ANKFN1: variants seen among roughly 807,000 people sequenced by gnomAD.
The protein encoded by ANKFN1 is ankyrin repeat and fibronectin type III domain containing 1.
Under a neutral mutation model 108.7 loss-of-function variants are expected in ANKFN1, and 74 were observed. The observed-to-expected ratio is 0.68, with a 90% confidence interval of 0.56 to 0.83. The LOEUF (loss-of-function observed/expected upper bound fraction) is 0.83. Ranked by LOEUF, ANKFN1 falls within the 40% of genes least tolerant of loss-of-function variation. ANKFN1 has a pLI of 0.00. For synonymous variants in ANKFN1, 547 were observed against 516.2 expected (o/e 1.06, Z -0.81); for missense variants, 1,505 against 1,382.3 (o/e 1.09, Z -1.41).
chr17:56,229,644 C>T (rs1287342170), intron 3 of ANKFN1, among the ~76,000 whole-genome samples: 3 of 120,610 alleles, frequency 2.5e-5, no homozygotes, highest in Admixed American at 1.1e-4. Flanking sequence ...TGAAAGCACC[C>T]GTTACCTTTC....
chr17:56,440,383 A>G lies in ANKFN1; in HGVS notation c.967A>G (p.Asn323Asp), dbSNP rs200016066. Residue 323 changes from asparagine (N) to aspartate (D), a missense_variant, in exon 9 of 21, where the codon AAT (asparagine) becomes GAT (aspartate). Physicochemically the swap from Asn to Asp is conservative, Grantham distance 23. Coordinates refer to ENST00000682825, the MANE Select transcript of ANKFN1 (RefSeq NM_001370326.1). ...SPLAGEIIMD[N>D]LQTLRCTITG... ...TTTGGCTGGAGAAATCATCATGGAT[A>G]ATCTGCAGACTCTGAGATGCACAAT... 39 of 1,612,834 alleles carry G rather than the reference A, an allele frequency of 2.4e-5. No homozygotes were observed. In the African/African-American group the frequency reaches 4.7e-4, roughly 19 times the overall value.
chr17:56,395,330 A>G (rs944423013), intron 8 of ANKFN1, among the ~76,000 whole-genome samples: 3 of 152,150 alleles, frequency 2.0e-5, no homozygotes, highest in African/African-American at 7.2e-5. Context: ...AGGAGCACCA[A>G]TCAGACGCTG....
In ANKFN1 at chr17:56,255,684, G is replaced by A. The variant is rs113638731; in HGVS notation, c.53+27727G>A. Among the ~76,000 whole-genome samples, 468 of 152,280 alleles carry A rather than the reference G, an allele frequency of 3.1e-3. 2 individuals are homozygous for A. The highest frequency in any genetic ancestry group is 0.011 in the African/African-American group (443 of 41,542). On this transcript the variant is annotated intron_variant, in intron 3 of 20. Coordinates refer to ENST00000682825, the MANE Select transcript of ANKFN1 (RefSeq NM_001370326.1). ...TAACCCAATCATGCTTTGTAAATGAGTCAACTTTTCACTGGGCTATTATAT... is the reference window on the plus strand; with the variant it reads ...TAACCCAATCATGCTTTGTAAATGAATCAACTTTTCACTGGGCTATTATAT...
chr17:56,304,692 G>T (rs1179977350), intron 3 of ANKFN1, among the ~76,000 whole-genome samples: 1 of 151,844 alleles, frequency 6.6e-6, no homozygotes, highest in African/African-American at 2.4e-5. Flanking sequence ...ATTCTGATAG[G>T]TTTAATGTGA....
At chr17:56,477,346 G>C in intron 15 of ANKFN1, 142 bp from the exon 16 acceptor site, 1 of 728,406 alleles carries the variant, frequency 1.4e-6, no homozygotes, top group Non-Finnish European at 2.1e-6. Context: ...AGCATTCATG[G>C]TATACCTGAG....
chr17:56,306,576 G>C (rs1033452662), intron 3 of ANKFN1, among the ~76,000 whole-genome samples: 1 of 152,190 alleles, frequency 6.6e-6, no homozygotes, highest in Non-Finnish European at 1.5e-5. Flanking sequence ...TGAAATAAAA[G>C]ACGATATGAA....
chr17:56,198,632 G>A (rs191459679), intron 1 of ANKFN1, among the ~76,000 whole-genome samples: 179 of 152,220 alleles, frequency 1.2e-3, no homozygotes, highest in Non-Finnish European at 1.8e-3. Context: ...ACTCTTTAGT[G>A]TATCTGAAAA....
At chr17:56,313,093 C>T (rs1478120415) in intron 3 of ANKFN1, among the ~76,000 whole-genome samples, 2 of 148,544 alleles carry the variant, frequency 1.3e-5, no homozygotes, top group African/African-American at 5.0e-5. Flanking sequence ...GGCGAGGTTG[C>T]AATGAGCTGA....
chr17:56,173,288 C>T (rs1284320104), intron 1 of ANKFN1, among the ~76,000 whole-genome samples: 2 of 152,190 alleles, frequency 1.3e-5, no homozygotes, highest in African/African-American at 2.4e-5. Flanking sequence ...TCACCCTTTG[C>T]CTTCTGTTCC....
chr17:56,128,685 G>A (rs934655615), intron 4 of ANKFN1, among the ~76,000 whole-genome samples: 1 of 152,144 alleles, frequency 6.6e-6, no homozygotes, highest in Non-Finnish European at 1.5e-5. Context: ...AGTAGTAAAG[G>A]CTCTGAGAAG....
Position 56,500,859 on chromosome 17 carries a change from G to C in ANKFN1, c.2644+1761G>C, listed in dbSNP as rs112962700. Among the ~76,000 whole-genome samples the C allele has an allele frequency of 3.1e-4, 47 of 152,280 alleles. 3 individuals carry two copies. The highest frequency in any genetic ancestry group is 1.1e-3 in the African/African-American group (45 of 41,552). On this transcript the variant is annotated intron_variant, in intron 20 of 20. Coordinates refer to ENST00000682825, the MANE Select transcript of ANKFN1 (RefSeq NM_001370326.1). ...CAGTGATACATAAAGCAAAATATCT[G>C]CTCCCATAGAGCATACTTACATTCT...
At chr17:56,466,616 A>T in intron 15 of ANKFN1, 45 bp downstream of exon 15, 1 of 1,506,908 alleles carries the variant, frequency 6.6e-7, no homozygotes, top group Non-Finnish European at 9.0e-7. Flanking sequence ...TAAGGTTCCA[A>T]ACCCAATTAT....
chr17:56,274,237 G>A (rs2043860630), intron 3 of ANKFN1, among the ~76,000 whole-genome samples: 1 of 152,130 alleles, frequency 6.6e-6, no homozygotes, highest in Admixed American at 6.5e-5. Context: ...ACTTTGGGAG[G>A]CCGAGGCAGG....
chr17:56,270,546 T>C (rs1440384139), intron 3 of ANKFN1, among the ~76,000 whole-genome samples: 1 of 152,202 alleles, frequency 6.6e-6, no homozygotes, highest in Non-Finnish European at 1.5e-5. Flanking sequence ...TGGCTCTGCG[T>C]CCACTCTTGA....
chr17:56,149,889 G>A (rs893651267), upstream of ANKFN1, among the ~76,000 whole-genome samples: 1 of 152,226 alleles, frequency 6.6e-6, no homozygotes, highest in African/African-American at 2.4e-5. Context: ...CAGCTTCCAG[G>A]GTTGGAAGGA....
At chr17:56,256,721 G>C (rs1026902728) in intron 3 of ANKFN1, among the ~76,000 whole-genome samples, 29 of 152,234 alleles carry the variant, frequency 1.9e-4, no homozygotes, top group African/African-American at 7.2e-5. Context: ...CAAATCTACA[G>C]AGTGGCTAAT....
At chr17:56,363,114 C>T (rs9902037) in intron 6 of ANKFN1, among the ~76,000 whole-genome samples, 9,071 of 152,076 alleles carry the variant, frequency 0.06, 844 homozygotes, top group African/African-American at 0.2. Context: ...ATCCCAGCTA[C>T]TCGGGAGGCT....
intron 4 of ANKFN1, among the ~76,000 whole-genome samples, chr17:56,105,719 G>GTGTC (rs1555594339): frequency 6.6e-6 from 1 of 150,952 alleles, no homozygotes; most frequent in Non-Finnish European, 1.5e-5. Context: ...GTCTGTGTGT[G>GTGTC]TGTGTGTGTG....
At chr17:56,246,747 C>T (rs1308725500) in intron 3 of ANKFN1, among the ~76,000 whole-genome samples, 5 of 150,186 alleles carry the variant, frequency 3.3e-5, no homozygotes, top group Non-Finnish European at 5.9e-5. Flanking sequence ...AAAAAAAAAA[C>T]GCAGGCCATT....
Sources: gnomAD v4.1 joint callset for allele counts (sites outside exome capture counted in the v4.1 genomes callset) on GRCh38, gnomAD v4.1.1 for gene constraint, MANE v1.5 for transcripts, NCBI Gene and HGNC (gene_info 2026-07-23, HGNC 2026-07-21) for gene names.